The following ARFGEF3 variants were observed in gnomAD, a reference collection of about 807,000 sequenced individuals.
The protein encoded by ARFGEF3 is ARFGEF family member 3.
A neutral mutation model predicts 221.7 loss-of-function variants in ARFGEF3; 96 were observed. The observed-to-expected ratio is 0.43, with a 90% CI of 0.37 to 0.51. ARFGEF3 has a LOEUF of 0.51. Among genes scored for constraint, ARFGEF3 ranks in the 20% least tolerant of loss-of-function variants. The pLI is 0.00. For synonymous variants in ARFGEF3, 1,145 were observed against 1,126.8 expected (o/e 1.02, Z -0.32); for missense variants, 2,410 against 2,789.9 (o/e 0.86, Z 3.07).
In ARFGEF3 at chr6:138,313,904, T is replaced by C. The variant is rs373226193; in HGVS notation, c.4310T>C (p.Ile1437Thr). The change falls in exon 26 of 34, where the codon ATT becomes ACT. Residue 1437 changes from isoleucine (I) to threonine (T), a missense_variant. Ile to Thr is a moderately conservative substitution (Grantham distance 89). Around this residue, in one of 5 missense-constraint regions of ARFGEF3, gnomAD observed 723 missense variants for 991.9 expected, o/e 0.73. Transcript: ENST00000251691. ...QEQSASSEDG[I>T]ESVLSDFDDD... is the part of the protein sequence containing the mutation. ...CAGTCAGCCAGCAGTGAGGATGGAATTGAATCAGTCCTGTCTGATTTTGAT... is the reference window on the plus strand; with the variant it reads ...CAGTCAGCCAGCAGTGAGGATGGAACTGAATCAGTCCTGTCTGATTTTGAT... 2.5e-6 allele frequency: 4 copies of C among 1,613,844 alleles called. No individual in the cohort carries two copies. The highest frequency in any genetic ancestry group is 2.5e-6 in the Non-Finnish European group (3 of 1,179,870).
At chr6:138,208,177 C>T (rs1777657646) in intron 3 of ARFGEF3, among the ~76,000 whole-genome samples, 1 of 152,014 alleles carries the variant, frequency 6.6e-6, no homozygotes. Context: ...TTCTAAATTG[C>T]AGTGCCATAT....
chr6:138,291,906 G>T lies in ARFGEF3; in HGVS notation c.3221G>T (p.Ser1074Ile). The change falls in exon 19 of 34, where the codon AGC becomes ATC. Residue 1074 changes from serine (S) to isoleucine (I), a missense_variant. By Grantham distance (142) the Ser-to-Ile change is moderately radical (BLOSUM62 -2). This residue lies in a region of ARFGEF3 where 184 missense variants were observed against 141.8 expected (regional missense o/e 1.30). Coordinates refer to ENST00000251691, the MANE Select transcript of ARFGEF3 (RefSeq NM_020340.5). The surrounding 1 kb of genome is among the most constrained non-coding windows in gnomAD (Gnocchi z 4.5). ...EHSPEQGRSL[S>I]TAPVVQPLSI... ...AGCCCGGAGCAGGGGCGCTCCCTGA[G>T]CACGGCCCCTGTCGTCCAGCCCCTG... 1 of 1,489,052 alleles carries T rather than the reference G, an allele frequency of 6.7e-7. No homozygotes were observed. 92.2% of individuals were successfully genotyped at this position (1,489,052 alleles called of 1,614,324 possible). A position where few individuals can be genotyped will look rare whatever the true frequency, so the allele number is the denominator to read the frequency against.
intron 22 of ARFGEF3, among the ~76,000 whole-genome samples, chr6:138,305,661 A>G (rs1779709827): frequency 6.6e-6 from 1 of 151,958 alleles, no homozygotes; most frequent in Non-Finnish European, 1.5e-5. Context: ...TATAAAGAAG[A>G]TTAAACATTG....
chr6:138,279,330 TTA>T (rs1175821139), intron 13 of ARFGEF3, among the ~76,000 whole-genome samples: 1 of 152,190 alleles, frequency 6.6e-6, no homozygotes, highest in Non-Finnish European at 1.5e-5. Flanking sequence ...AGGTGTGCAC[TTA>T]TAAAAACTCT....
intron 12 of ARFGEF3, among the ~76,000 whole-genome samples, chr6:138,277,216 T>G (rs1426558226): frequency 6.6e-6 from 1 of 152,198 alleles, no homozygotes; most frequent in Non-Finnish European, 1.5e-5. Flanking sequence ...CTTCATAGAG[T>G]GCATCATATA....
At chr6:138,310,036 A>G (rs1193662542) in intron 24 of ARFGEF3, among the ~76,000 whole-genome samples, 1 of 152,220 alleles carries the variant, frequency 6.6e-6, no homozygotes, top group Admixed American at 6.5e-5. Context: ...CATAGAGGAC[A>G]TTGAAAACAG....
At chr6:138,326,811 G>A (rs966504819) in intron 31 of ARFGEF3, among the ~76,000 whole-genome samples, 7 of 152,156 alleles carry the variant, frequency 4.6e-5, no homozygotes, top group African/African-American at 1.4e-4. Context: ...ACATGCACAT[G>A]TATGTTCACT....
rs371919461 is a variant in ARFGEF3, at chr6:138,292,004, G to A, written c.3319G>A (p.Gly1107Arg). 69 of 1,531,530 alleles carry A rather than the reference G, an allele frequency of 4.5e-5. No individual in the cohort carries two copies. Among genetic ancestry groups the A allele is most frequent in the Non-Finnish European group, 5.6e-5 (64 of 1,144,340 alleles). The allele number at this position is 1,531,530 out of a possible 1,614,324, so 94.9% of individuals were successfully genotyped here. A position where few individuals can be genotyped will look rare whatever the true frequency, so the allele number is the denominator to read the frequency against. The part of the protein sequence containing the change: ...SDFRGGSLMS[G>R]SSAAKVVLTL... ...CTTCCGCGGCGGGAGCCTCATGAGCGGGAGCAGCGCGGCCAAGGTGGTGCT... is the reference window on the plus strand; with the variant it reads ...CTTCCGCGGCGGGAGCCTCATGAGCAGGAGCAGCGCGGCCAAGGTGGTGCT... The change falls in exon 19 of 34, where the codon GGG (glycine) becomes AGG (arginine). Residue 1107 changes from glycine to arginine, a missense_variant. By Grantham distance (125) the Gly-to-Arg change is moderately radical (BLOSUM62 -2). Coordinates refer to ENST00000251691, the MANE Select transcript of ARFGEF3 (RefSeq NM_020340.5).
chr6:138,255,377 G>A, intron 9 of ARFGEF3, 59 bp from the exon 10 acceptor site: 1 of 1,272,658 alleles, frequency 7.9e-7, no homozygotes, highest in Non-Finnish European at 1.1e-6. Flanking sequence ...TTTACTCGCA[G>A]AGTAAATTTT....
rs1780134823 is a variant in ARFGEF3 at position 138,326,832 on chromosome 6, T to C, written c.5002-1189T>C. Reference sequence around the variant, plus strand: ...ACATGTATGTTCACTGCAGAACTATTTACAATAACAAATACATGGAATCAA... The same window carrying C: ...ACATGTATGTTCACTGCAGAACTATCTACAATAACAAATACATGGAATCAA... On this transcript the variant is annotated intron_variant, in intron 31 of 33. Transcript: ENST00000251691. Among the ~76,000 whole-genome samples the C allele has an allele frequency of 7.2e-5, 11 of 152,294 alleles. No individual in the cohort carries two copies. In the South Asian group the frequency reaches 2.3e-3, roughly 32 times the overall value.
chr6:138,262,646 G>C (rs1778814777), intron 11 of ARFGEF3, 55 bp from the exon 12 acceptor site: 2 of 1,507,098 alleles, frequency 1.3e-6, no homozygotes, highest in African/African-American at 2.8e-5. Flanking sequence ...TCCTTTCAGA[G>C]ATATTTTCTA....
At chr6:138,202,027 G>A (rs902302798) in intron 2 of ARFGEF3, among the ~76,000 whole-genome samples, 5 of 152,118 alleles carry the variant, frequency 3.3e-5, no homozygotes, top group Non-Finnish European at 5.9e-5. Context: ...ATCACAGTGC[G>A]GATGATGCCT....
At chr6:138,303,203 G>T (rs1020293510) in intron 22 of ARFGEF3, among the ~76,000 whole-genome samples, 5 of 152,112 alleles carry the variant, frequency 3.3e-5, no homozygotes, top group Non-Finnish European at 7.4e-5. Flanking sequence ...GAAGATTCAT[G>T]TTATAATCCC....
intron 2 of ARFGEF3, among the ~76,000 whole-genome samples, chr6:138,183,059 G>T (rs768466862): frequency 6.6e-6 from 1 of 152,160 alleles, no homozygotes; most frequent in South Asian, 2.1e-4. Flanking sequence ...AACAAAAGGG[G>T]TTTTGTAAGC....
rs746364570 is a variant in ARFGEF3 at position 138,286,026 on chromosome 6, A to C, written c.2542A>C (p.Arg848=). 5.6e-6 allele frequency: 9 copies of C among 1,607,448 alleles called. No individual in the cohort carries two copies. The highest frequency in any genetic ancestry group is 7.6e-6 in the Non-Finnish European group (9 of 1,179,118). Residue 848 remains arginine, a synonymous_variant, in exon 15 of 34, where the codon AGG becomes CGG. Coordinates refer to ENST00000251691, the MANE Select transcript of ARFGEF3 (RefSeq NM_020340.5). ...TACAGAGTCTCCTTTCGCCCAGAGC[A>C]GGAGAATTGATGACTCCACAGTGGC... ...AATESPFAQS[R]RIDDSTVAGV... is the part of the protein sequence containing the mutation.
At chr6:138,282,964 C>T (rs115195105) in intron 14 of ARFGEF3, among the ~76,000 whole-genome samples, 2,292 of 152,140 alleles carry the variant, frequency 0.015, 46 homozygotes, top group African/African-American at 0.049. Context: ...GGTGGAAGAA[C>T]CCCTTGAACC....
chr6:138,201,828 T>G (rs1471418642), intron 2 of ARFGEF3, among the ~76,000 whole-genome samples: 1 of 152,212 alleles, frequency 6.6e-6, no homozygotes, highest in Non-Finnish European at 1.5e-5. Context: ...GAACAAATTT[T>G]TTTTTAAAAA....
chr6:138,218,083 T>C (rs1562357387), intron 4 of ARFGEF3: 1 of 1,613,980 alleles, frequency 6.2e-7, no homozygotes, highest in Admixed American at 1.7e-5. Flanking sequence ...GTGAATAATA[T>C]GGCTTCTGAA....
chr6:138,324,390 A>G (rs1409249158), intron 31 of ARFGEF3, among the ~76,000 whole-genome samples: 2 of 152,204 alleles, frequency 1.3e-5, no homozygotes, highest in African/African-American at 2.4e-5. Context: ...CAGATCAAAT[A>G]GAACCCTTTC....
Sources: gnomAD v4.1 joint callset for allele counts (sites outside exome capture counted in the v4.1 genomes callset) on GRCh38, gnomAD v4.1.1 for gene constraint, gnomAD v4.1.1 regional missense constraint, Gnocchi (gnomAD v3.1) non-coding constraint, MANE v1.5 for transcripts, NCBI Gene and HGNC (gene_info 2026-07-23, HGNC 2026-07-21) for gene names.